RBPJ: variants seen among roughly 807,000 people sequenced by gnomAD.
RBPJ encodes the protein recombining binding protein suppressor of hairless.
A neutral mutation model predicts 67.8 loss-of-function variants in RBPJ; 9 were observed. That is an observed-to-expected ratio of 0.13 (90% CI 0.08 to 0.23). RBPJ has a LOEUF of 0.23. RBPJ is among the 10% of genes least tolerant of loss of function. RBPJ has a pLI of 1.00. For missense variants in RBPJ, 305 were observed against 595.6 expected, an observed-to-expected ratio of 0.51 and a Z score of 5.08; for synonymous variants, 198 against 203.3, an observed-to-expected ratio of 0.97 and a Z score of 0.22.
At chr4:26,320,736 C>G (rs1722927359), upstream of RBPJ, 2 of 1,550,752 alleles carry the variant, frequency 1.3e-6, no homozygotes, top group Non-Finnish European at 1.7e-6. Context: ...TCCTAAAACC[C>G]GGATAACCGG....
chr4:26,212,762 T>C (rs769486703), intron 1 of RBPJ, among the ~76,000 whole-genome samples: 2 of 152,142 alleles, frequency 1.3e-5, no homozygotes, highest in Non-Finnish European at 2.9e-5. Flanking sequence ...CAGGCTTTGC[T>C]GGGTTCCTCA....
intron 1 of RBPJ, among the ~76,000 whole-genome samples, chr4:26,277,531 G>T (rs1721123898): frequency 2.6e-5 from 4 of 152,234 alleles, no homozygotes; most frequent in Admixed American, 2.6e-4. Context: ...GTTATCCTGG[G>T]GAGTTTTGTA....
chr4:26,349,914 C>A (rs1291953217), intron 1 of RBPJ, among the ~76,000 whole-genome samples: 1 of 152,194 alleles, frequency 6.6e-6, no homozygotes, highest in Non-Finnish European at 1.5e-5. Flanking sequence ...AGTACACTTT[C>A]TACAGAAATT....
chr4:26,183,140 G>C (rs1278716700), intron 1 of RBPJ, among the ~76,000 whole-genome samples: 1 of 152,214 alleles, frequency 6.6e-6, no homozygotes, highest in Non-Finnish European at 1.5e-5. Context: ...CATAGTTTAT[G>C]TTTTATCTGT....
upstream of RBPJ, among the ~76,000 whole-genome samples, chr4:26,160,267 G>T (rs904501630): frequency 2.0e-5 from 3 of 152,170 alleles, no homozygotes; most frequent in African/African-American, 7.2e-5. Flanking sequence ...CACATCACCT[G>T]CAATTCATTT....
Position 26,406,213 on chromosome 4 carries a change from A to G in RBPJ, c.98A>G (p.Gln33Arg), listed in dbSNP as rs150528384. Reference sequence around the variant, plus strand: ...AATTATTTAAAAGAGCGAGGGGATCAAACAGTACTTATTCTTCATGCAAAA... The same window carrying G: ...AATTATTTAAAAGAGCGAGGGGATCGAACAGTACTTATTCTTCATGCAAAA... ...MRNYLKERGD[Q>R]TVLILHAKVA... Residue 33 changes from glutamine to arginine, a missense_variant, in exon 3 of 11, where the codon CAA (glutamine) becomes CGA (arginine). Around this residue, in one of 7 missense-constraint regions of RBPJ, gnomAD observed 42 missense variants for 43.6 expected, o/e 0.96. Coordinates refer to ENST00000355476, the MANE Select transcript of RBPJ (RefSeq NM_015874.6). The G allele has an allele frequency of 8.1e-6, 13 of 1,612,908 alleles. No homozygotes were observed. The highest frequency in any genetic ancestry group is 2.7e-5 in the African/African-American group (2 of 74,894).
At chr4:26,278,284 T>G (rs1721147470) in intron 1 of RBPJ, among the ~76,000 whole-genome samples, 1 of 152,192 alleles carries the variant, frequency 6.6e-6, no homozygotes, top group African/African-American at 2.4e-5. Context: ...ATGCCAAAGA[T>G]TTTAATTTAT....
At chr4:26,314,650 G>A (rs1472650469), upstream of RBPJ, among the ~76,000 whole-genome samples, 2 of 152,090 alleles carry the variant, frequency 1.3e-5, no homozygotes, top group Non-Finnish European at 2.9e-5. Flanking sequence ...CTCCTGCTTT[G>A]CTGTCTGCCA....
At chr4:26,329,907 A>G (rs560753598) in intron 1 of RBPJ, among the ~76,000 whole-genome samples, 43 of 151,970 alleles carry the variant, frequency 2.8e-4, no homozygotes, top group African/African-American at 1.0e-3. Flanking sequence ...AAAAAAAAAA[A>G]GAAAATGCCT....
chr4:26,395,404 G>C (rs554303946), intron 2 of RBPJ, among the ~76,000 whole-genome samples: 1 of 152,176 alleles, frequency 6.6e-6, no homozygotes, highest in Non-Finnish European at 1.5e-5. Context: ...GAGCCGGATT[G>C]TGCCACTTTA....
chr4:26,300,861 A>G (rs1479318399), intron 1 of RBPJ, among the ~76,000 whole-genome samples: 2 of 152,236 alleles, frequency 1.3e-5, no homozygotes, highest in African/African-American at 4.8e-5. Context: ...AAATAAAGCC[A>G]TTAGAGCTTG....
At chr4:26,319,749 A>T, upstream of RBPJ, 1 of 950,748 alleles carries the variant, frequency 1.1e-6, no homozygotes. Context: ...GGGCCGCGCC[A>T]ATCCTGCAGC....
chr4:26,262,346 G>T (rs1720567959), intron 1 of RBPJ, among the ~76,000 whole-genome samples: 1 of 152,148 alleles, frequency 6.6e-6, no homozygotes, highest in African/African-American at 2.4e-5. Flanking sequence ...AGTAGCTCAG[G>T]CTTCAGGCAC....
At chr4:26,272,009 GC>G (rs1720932999) in intron 1 of RBPJ, among the ~76,000 whole-genome samples, 1 of 152,236 alleles carries the variant, frequency 6.6e-6, no homozygotes. Flanking sequence ...TGGGTCACTT[GC>G]TTTGTCTCTT....
At chr4:26,329,667 G>A (rs1460766563) in intron 1 of RBPJ, among the ~76,000 whole-genome samples, 2 of 152,250 alleles carry the variant, frequency 1.3e-5, no homozygotes, top group East Asian at 3.9e-4. Flanking sequence ...GGCCGAGGCG[G>A]GCGGATCACG....
At chr4:26,310,390 T>C (rs1722389152) in intron 1 of RBPJ, among the ~76,000 whole-genome samples, 1 of 152,172 alleles carries the variant, frequency 6.6e-6, no homozygotes, top group Non-Finnish European at 1.5e-5. Flanking sequence ...AGTTAAACAT[T>C]TGTAGAGTGA....
upstream of RBPJ, chr4:26,320,917 GC>G: frequency 6.2e-7 from 1 of 1,602,828 alleles, no homozygotes; most frequent in Non-Finnish European, 8.5e-7. Flanking sequence ...GAGCGCGGGG[GC>G]TGGGTGGAAT....
intron 1 of RBPJ, among the ~76,000 whole-genome samples, chr4:26,299,672 CTTTTTTTTTT>C (rs397879662): frequency 2.3e-5 from 2 of 85,292 alleles, no homozygotes; most frequent in South Asian, 4.1e-4. Flanking sequence ...AGACTGTGTG[CTTTTTTTTTT>C]TTTTTTTTTT....
chr4:26,246,097 A>G (rs1719920133), intron 1 of RBPJ, among the ~76,000 whole-genome samples: 2 of 152,222 alleles, frequency 1.3e-5, no homozygotes, highest in Non-Finnish European at 2.9e-5. Context: ...ATTTCTGCAA[A>G]GAAACCAGCA....
Sources: gnomAD v4.1 joint callset for allele counts (sites outside exome capture counted in the v4.1 genomes callset) on GRCh38, gnomAD v4.1.1 for gene constraint, gnomAD v4.1.1 regional missense constraint, MANE v1.5 for transcripts, NCBI Gene and HGNC (gene_info 2026-07-23, HGNC 2026-07-21) for gene names.